Variants in MGLL observed in about 807,000 individuals in gnomAD.
MGLL encodes monoglyceride lipase.
A neutral mutation model predicts 29.1 loss-of-function variants in MGLL; 7 were observed. That is an observed-to-expected ratio of 0.24 (90% CI 0.14 to 0.45). The LOEUF (loss-of-function observed/expected upper bound fraction) is 0.45. MGLL is among the 20% of genes least tolerant of loss of function. The pLI is 0.99. For missense variants in MGLL, 356 were observed against 413.6 expected (o/e 0.86, Z 1.21); for synonymous variants, 148 against 168.3 (o/e 0.88, Z 0.93).
chr3:127,771,153 G>A (rs950180729), intron 3 of MGLL, among the ~76,000 whole-genome samples: 6 of 152,150 alleles, frequency 3.9e-5, no homozygotes, highest in African/African-American at 1.4e-4. Flanking sequence ...CATGTAAGCA[G>A]GAACCACAAC....
chr3:127,745,463 G>T (rs143831683), intron 3 of MGLL, among the ~76,000 whole-genome samples: 215 of 152,234 alleles, frequency 1.4e-3, no homozygotes, highest in Admixed American at 2.7e-3. Context: ...GTCAAACGCC[G>T]AATGTCCTCA....
At chr3:127,750,923 T>C (rs1230058667) in intron 3 of MGLL, among the ~76,000 whole-genome samples, 1 of 152,158 alleles carries the variant, frequency 6.6e-6, no homozygotes, top group Non-Finnish European at 1.5e-5. Context: ...CCTTCATGCA[T>C]TAAATGGACT....
chr3:127,738,452 G>A (rs1181038048), intron 3 of MGLL, among the ~76,000 whole-genome samples: 1 of 152,188 alleles, frequency 6.6e-6, no homozygotes, highest in East Asian at 1.9e-4. Context: ...CCAAGGAGCT[G>A]CTGGTGGAAG....
intron 2 of MGLL, among the ~76,000 whole-genome samples, chr3:127,817,299 C>T (rs952123857): frequency 6.6e-6 from 1 of 152,168 alleles, no homozygotes; most frequent in African/African-American, 2.4e-5. Flanking sequence ...GCCTCCCAGT[C>T]GTGTGTCTTG....
chr3:127,748,409 A>AGAGAGAGAGAGAGAGAGAGG (rs958552225), intron 3 of MGLL, among the ~76,000 whole-genome samples: 1 of 109,650 alleles, frequency 9.1e-6, no homozygotes, highest in South Asian at 2.6e-4. Context: ...AGAGAGAGAA[A>AGAGAGAGAGAGAGAGAGAGG]GAGAGAGAGA....
At chr3:127,705,229 G>C (rs2075575821) in intron 6 of MGLL, among the ~76,000 whole-genome samples, 1 of 152,032 alleles carries the variant, frequency 6.6e-6, no homozygotes, top group African/African-American at 2.4e-5. Flanking sequence ...CAGGAGGAGG[G>C]GCACGGGGGG....
chr3:127,789,314 G>C (rs921411276), intron 2 of MGLL, among the ~76,000 whole-genome samples: 1 of 152,226 alleles, frequency 6.6e-6, no homozygotes, highest in Admixed American at 6.5e-5. Flanking sequence ...AAAGGCCCGG[G>C]ACCCATCTAC....
chr3:127,809,918 A>T lies in MGLL; in HGVS notation c.155+11776T>A, dbSNP rs2077632385. On this transcript the variant is annotated intron_variant, in intron 2 of 7. Transcript: ENST00000265052. ...ACCACGGAACCACAGAGAAGTACGGATGTGAAAGGGTGAGATCCTTGTCCA... is the reference window on the plus strand; with the variant it reads ...ACCACGGAACCACAGAGAAGTACGGTTGTGAAAGGGTGAGATCCTTGTCCA... 2.6e-5 allele frequency among the ~76,000 whole-genome samples: 4 copies of T among 152,168 alleles called. No homozygotes were observed. In the South Asian group the frequency reaches 8.3e-4, roughly 32 times the overall value.
intron 3 of MGLL, among the ~76,000 whole-genome samples, chr3:127,732,710 T>C (rs2076172745): frequency 6.6e-6 from 1 of 152,150 alleles, no homozygotes; most frequent in Admixed American, 6.5e-5. Context: ...CACTGGGAAA[T>C]GTTCTTCTGA....
At chr3:127,737,630 C>CTTTTGTTTTTTTTTTTTT (rs2076264409) in intron 3 of MGLL, among the ~76,000 whole-genome samples, 1 of 68,610 alleles carries the variant, frequency 1.5e-5, no homozygotes, top group African/African-American at 7.4e-5. Context: ...TCAACTGCTT[C>CTTTTGTTTTTTTTTTTTT]TTTTTTTTTT....
intron 3 of MGLL, among the ~76,000 whole-genome samples, chr3:127,726,280 G>T (rs2076043916): frequency 2.0e-5 from 1 of 50,306 alleles, no homozygotes; most frequent in African/African-American, 7.3e-5. Context: ...GGGAGGGAGA[G>T]AGGAAGGAAG....
At chr3:127,703,046 C>T (rs1264676654) in intron 6 of MGLL, among the ~76,000 whole-genome samples, 1 of 152,182 alleles carries the variant, frequency 6.6e-6, no homozygotes, top group Admixed American at 6.5e-5. Context: ...CTCTGCAGGT[C>T]GCAGCCCCGG....
In MGLL at chr3:127,776,800, T is replaced by G. The variant is rs544493155; in HGVS notation, c.262+4989A>C. On this transcript the variant is annotated intron_variant, in intron 3 of 7. Coordinates refer to ENST00000265052, the MANE Select transcript of MGLL (RefSeq NM_007283.7). ...CATTTCTGGTCTGATCTATTTTGGC[T>G]TATAAACTCTTCCAGTCATTCAGCA... 2.6e-5 allele frequency among the ~76,000 whole-genome samples: 4 copies of G among 152,308 alleles called. No homozygotes were observed. In the South Asian group the frequency reaches 6.2e-4, roughly 24 times the overall value.
At chr3:127,699,352 T>C (rs199796158) in intron 6 of MGLL, among the ~76,000 whole-genome samples, 1 of 35,724 alleles carries the variant, frequency 2.8e-5, no homozygotes, top group African/African-American at 8.1e-4. Context: ...TCTTGACCCA[T>C]TTTTTTTTTA....
intron 2 of MGLL, among the ~76,000 whole-genome samples, chr3:127,801,316 A>G (rs1438978211): frequency 7.2e-6 from 1 of 138,722 alleles, no homozygotes; most frequent in Non-Finnish European, 1.6e-5. Context: ...AAAAAAAAAA[A>G]AAAAGGAGTG....
chr3:127,767,022 G>C (rs190925126), intron 3 of MGLL, among the ~76,000 whole-genome samples: 5 of 152,204 alleles, frequency 3.3e-5, no homozygotes, highest in African/African-American at 1.2e-4. Flanking sequence ...AGGTAGGGCC[G>C]AGATTGCACC....
intron 3 of MGLL, among the ~76,000 whole-genome samples, chr3:127,771,336 T>G (rs1402073417): frequency 6.6e-6 from 1 of 152,046 alleles, no homozygotes; most frequent in Non-Finnish European, 1.5e-5. Context: ...ATTTCTGTCT[T>G]CCTCCAGTTA....
chr3:127,763,729 C>G (rs1347328320), intron 3 of MGLL, among the ~76,000 whole-genome samples: 1 of 152,188 alleles, frequency 6.6e-6, no homozygotes, highest in East Asian at 1.9e-4. Context: ...CTTCCTTCCC[C>G]TCCCGCCCCT....
intron 3 of MGLL, among the ~76,000 whole-genome samples, chr3:127,775,505 A>C (rs7426633): frequency 0.91 from 137,918 of 151,844 alleles, 63,272 homozygotes; most frequent in Middle Eastern, 0.99. Context: ...GATAGGACCC[A>C]CCCGCCAAGG....
Sources: allele counts gnomAD v4.1 joint callset (sites outside exome capture counted in the v4.1 genomes callset), GRCh38; gene constraint gnomAD v4.1.1; transcripts MANE v1.5; gene names NCBI Gene and HGNC (gene_info 2026-07-23, HGNC 2026-07-21).